CLUH: variants seen among roughly 807,000 people sequenced by gnomAD.
CLUH encodes the protein CLUH binding protein of NUMT mRNA.
Under a neutral mutation model 139.3 loss-of-function variants are expected in CLUH, and 77 were observed. That is an observed-to-expected ratio of 0.55 (90% CI 0.46 to 0.67). The LOEUF (loss-of-function observed/expected upper bound fraction) is 0.67. Ranked by LOEUF, CLUH falls within the 30% of genes least tolerant of loss-of-function variation. The probability of loss-of-function intolerance (pLI) is 0.00; values close to 1 mark genes in which losing one functional copy is unlikely to be tolerated. For synonymous variants in CLUH, 999 were observed against 801.6 expected (o/e 1.25, Z -4.16); for missense variants, 1,876 against 1,875.8 (o/e 1.00, Z 0.00).
intron 1 of CLUH, among the ~76,000 whole-genome samples, chr17:2,710,621 G>A (rs923382552): frequency 6.6e-6 from 1 of 152,158 alleles, no homozygotes; most frequent in Non-Finnish European, 1.5e-5. Flanking sequence ...GGCCTGGGAA[G>A]GGGATTCCAG....
Position 2,694,161 on chromosome 17 carries a change from A to G in CLUH, c.3053T>C (p.Phe1018Ser). 1 of 1,613,438 alleles carries G rather than the reference A, an allele frequency of 6.2e-7. No homozygotes were observed. The highest frequency in any genetic ancestry group is 8.5e-7 in the Non-Finnish European group (1 of 1,179,690). ...KHVNPKASDA[F>S]HFFQSGQAKV... ...GGCCTGCCCGCTCTGGAAGAAATGG[A>G]AGGCATCCGAGGCCTTGGGGTTGAC... Residue 1018 changes from phenylalanine to serine, a missense_variant, in exon 18 of 26, where the codon TTC becomes TCC. Transcript: ENST00000651024.
rs1392576128 is a variant in CLUH at position 2,698,309 on chromosome 17, G to A, written c.1548C>T (p.Arg516=). Residue 516 remains arginine, a synonymous_variant, in exon 10 of 26, where the codon CGC becomes CGT. Coordinates refer to ENST00000651024, the MANE Select transcript of CLUH (RefSeq NM_001366661.1). ...TGGACTGGGCCGTGACCCGGTAGCC[G>A]CGGTAATCCACCACCACCGTGCCCA... ...YTLGTVVVDY[R]GYRVTAQSII... is the part of the protein sequence containing the mutation. 15 of 1,612,596 alleles carry A rather than the reference G, an allele frequency of 9.3e-6. No individual in the cohort carries two copies. Among genetic ancestry groups the A allele is most frequent in the Middle Eastern group, 1.6e-4 (1 of 6,082 alleles).
chr17:2,704,661 C>T lies in CLUH; in HGVS notation c.101-97G>A. 6 of 1,182,226 alleles carry T rather than the reference C, an allele frequency of 5.1e-6. No homozygotes were observed. Among genetic ancestry groups the T allele is most frequent in the Non-Finnish European group, 7.0e-6 (6 of 855,434 alleles). 73.2% of individuals were successfully genotyped at this position (1,182,226 alleles called of 1,614,324 possible). A position where few individuals can be genotyped will look rare whatever the true frequency, so the allele number is the denominator to read the frequency against. On this transcript the variant is annotated intron_variant, in intron 1 of 25. Coordinates refer to ENST00000651024, the MANE Select transcript of CLUH (RefSeq NM_001366661.1). The surrounding 1 kb of genome is among the most constrained non-coding windows in gnomAD (Gnocchi z 5.7). ...CGGGGACACGTGCCTTCTGGAAAGG[C>T]ATCTGCATGCCCTCGAGAGTCCCAG...
Position 2,697,952 on chromosome 17 carries a change from G to A in CLUH, c.1905C>T (p.His635=), listed in dbSNP as rs1166506797. Residue 635 remains histidine (H), a synonymous_variant, in exon 10 of 26, where the codon CAC becomes CAT. Transcript: ENST00000651024. ...ECARAGFPRA[H]RHKLCCLRQE... ...GGCGCAGGCAGCAGAGCTTGTGCCGGTGGGCGCGGGGGAAGCCGGCGCGGG... is the reference window on the plus strand; with the variant it reads ...GGCGCAGGCAGCAGAGCTTGTGCCGATGGGCGCGGGGGAAGCCGGCGCGGG... 1.3e-6 allele frequency: 2 copies of A among 1,561,562 alleles called. No individual in the cohort carries two copies. Among genetic ancestry groups the A allele is most frequent in the African/African-American group, 2.7e-5 (2 of 74,178 alleles).
Position 2,692,042 on chromosome 17 carries a change from G to A in CLUH, c.3616C>T (p.Gln1206Ter). Reference sequence around the variant, plus strand: ...ATGGTGTAACCCTCCTTCTCGTGCTGCAGGGCCGACCGGAACTCAGCTTTG... The same window carrying A: ...ATGGTGTAACCCTCCTTCTCGTGCTACAGGGCCGACCGGAACTCAGCTTTG... ...ESKAEFRSAL[Q>*]HEKEGYTIYK... Residue 1206 changes from glutamine to a stop codon, truncating the protein, a stop_gained, in exon 23 of 26, where the codon CAG becomes TAG. Coordinates refer to ENST00000651024, the MANE Select transcript of CLUH (RefSeq NM_001366661.1). LOFTEE classifies it high-confidence loss of function. 1 of 1,600,278 alleles carries A rather than the reference G, an allele frequency of 6.2e-7. No individual in the cohort carries two copies. Among genetic ancestry groups the A allele is most frequent in the Non-Finnish European group, 8.5e-7 (1 of 1,174,144 alleles).
At chr17:2,691,496 G>A (rs1468177430) in intron 25 of CLUH, 113 bp downstream of exon 25, 35 of 1,055,548 alleles carry the variant, frequency 3.3e-5, no homozygotes, top group Admixed American at 8.0e-5. Flanking sequence ...GGGAGGCGGA[G>A]GCTGCAGTGA....
rs776828046 is a variant in CLUH, at chr17:2,701,488, G to A, written c.777C>T (p.Ser259=). Residue 259 remains serine (S), a synonymous_variant, in exon 6 of 26, where the codon AGC becomes AGT. Coordinates refer to ENST00000651024, the MANE Select transcript of CLUH (RefSeq NM_001366661.1). ...GGTTCCCCGGGGGCGGGTTCCATCC[G>A]CTCATGGTGAGTACTTTCAGGCACT... is the stretch of plus-strand genomic sequence containing the variant. ...PLQCLKVLTM[S]GWNPPPGNRK... 4 of 1,613,838 alleles carry A rather than the reference G, an allele frequency of 2.5e-6. No individual in the cohort carries two copies. Among genetic ancestry groups the A allele is most frequent in the Non-Finnish European group, 3.4e-6 (4 of 1,179,866 alleles).
At chr17:2,697,115 G>A (rs558191164) in intron 10 of CLUH, among the ~76,000 whole-genome samples, 173 bp from the exon 11 acceptor site, 8 of 152,328 alleles carry the variant, frequency 5.3e-5, no homozygotes, top group African/African-American at 1.9e-4. Flanking sequence ...GGAAGAAAAA[G>A]GCGGCCGGGC....
chr17:2,693,845 A>G (rs2069818077), intron 19 of CLUH, 55 bp downstream of exon 19: 4 of 1,550,072 alleles, frequency 2.6e-6, no homozygotes, highest in Non-Finnish European at 3.5e-6. Flanking sequence ...GGGCCCCCTC[A>G]CTCCCCATCC....
intron 1 of CLUH, among the ~76,000 whole-genome samples, chr17:2,709,272 A>G (rs1350310823): frequency 6.6e-6 from 1 of 152,100 alleles, no homozygotes; most frequent in Non-Finnish European, 1.5e-5. Flanking sequence ...GGGTCCGAAA[A>G]GGTGCATCAC....
intron 16 of CLUH, 143 bp from the exon 17 acceptor site, chr17:2,694,707 C>A: frequency 7.4e-7 from 1 of 1,346,906 alleles, no homozygotes; most frequent in Non-Finnish European, 1.0e-6. Flanking sequence ...CTGCCCTCAC[C>A]CTCCAGCACC....
Position 2,696,811 on chromosome 17 carries a change from T to C in CLUH, c.2093A>G (p.Gln698Arg). ...LESKSEDPPG[Q>R]EAGSEEEGSS... ...ACCCTCCTCCTCACTTCCCGCCTCC[T>C]GTCCTGGAGGATCCTCAGACTTGGA... Residue 698 changes from glutamine (Q) to arginine (R), a missense_variant, in exon 11 of 26, where the codon CAG becomes CGG. By Grantham distance (43) the Gln-to-Arg change is conservative. Around this residue, in one of 3 missense-constraint regions of CLUH, gnomAD observed 1,454 missense variants for 1,384.4 expected, o/e 1.05. Coordinates refer to ENST00000651024, the MANE Select transcript of CLUH (RefSeq NM_001366661.1). 6.2e-7 allele frequency: 1 copy of C among 1,613,504 alleles called. No individual in the cohort carries two copies. Among genetic ancestry groups the C allele is most frequent in the Non-Finnish European group, 8.5e-7 (1 of 1,179,876 alleles).
Position 2,695,033 on chromosome 17 carries a change from T to C in CLUH, c.2676A>G (p.Pro892=). Residue 892 remains proline, a synonymous_variant, in exon 16 of 26, where the codon CCA becomes CCG. Transcript: ENST00000651024. ...CGGCGGGCAGGTGGGCCACGGGGTT[T>C]GGGTAGGAGCTCAGGAAGCAGTTCA... ...HFLNCFLSSY[P]NPVAHLPADE... 1 of 1,613,496 alleles carries C rather than the reference T, an allele frequency of 6.2e-7. No individual in the cohort carries two copies. The highest frequency in any genetic ancestry group is 8.5e-7 in the Non-Finnish European group (1 of 1,179,768).
intron 7 of CLUH, 66 bp downstream of exon 7, chr17:2,701,074 G>A (rs2070159860): frequency 8.1e-6 from 13 of 1,609,586 alleles, no homozygotes; most frequent in East Asian, 2.2e-5. Context: ...CTGGAGTGCA[G>A]GTGGGCCGGC....
rs2151692111 is a variant in CLUH, at chr17:2,692,064, T to C, written c.3594A>G (p.Lys1198=). 1 of 1,604,758 alleles carries C rather than the reference T, an allele frequency of 6.2e-7. No homozygotes were observed. Among genetic ancestry groups the C allele is most frequent in the Non-Finnish European group, 8.5e-7 (1 of 1,176,340 alleles). Residue 1198 remains lysine (K), a synonymous_variant, in exon 23 of 26, where the codon AAA becomes AAG. Coordinates refer to ENST00000651024, the MANE Select transcript of CLUH (RefSeq NM_001366661.1). ...HHLVARVYES[K]AEFRSALQHE... is the part of the protein sequence containing the mutation. ...GCTGCAGGGCCGACCGGAACTCAGC[T>C]TTGCTCTCGTAGACTCGGGCGACAA...
At chr17:2,691,929 GTGCCCCCGCGGCCCCGC>G (rs764621966) in intron 23 of CLUH, 34 bp from the exon 24 acceptor site, 46 of 1,104,184 alleles carry the variant, frequency 4.2e-5, no homozygotes, top group South Asian at 3.4e-4. Flanking sequence ...AGGCCCCCCC[GTGCCCCCGCGGCCCCGC>G]CCCCGCCCCG....
At chr17:2,697,402 A>G (rs1013091317) in intron 10 of CLUH, among the ~76,000 whole-genome samples, 14 of 131,120 alleles carry the variant, frequency 1.1e-4, no homozygotes, top group African/African-American at 4.7e-4. Flanking sequence ...TCCGTCTCAG[A>G]AAAAAAAAAA....
Position 2,698,004 on chromosome 17 carries a change from G to A in CLUH, c.1853C>T (p.Pro618Leu). Residue 618 changes from proline to leucine, a missense_variant, in exon 10 of 26, where the codon CCT becomes CTT. This residue lies in a region of CLUH where 1,454 missense variants were observed against 1,384.4 expected (regional missense o/e 1.05). Coordinates refer to ENST00000651024, the MANE Select transcript of CLUH (RefSeq NM_001366661.1). ...GCATTCCTCAGGCAGCTCCTCGCCA[G>A]GCACGGGCAGGAAGTTGAGGTCCGG... ...FPPDLNFLPV[P>L]GEELPEECAR... 6 of 1,600,274 alleles carry A rather than the reference G, an allele frequency of 3.7e-6. No individual in the cohort carries two copies. The highest frequency in any genetic ancestry group is 4.2e-6 in the Non-Finnish European group (5 of 1,177,540).
In CLUH at chr17:2,698,152, G is replaced by A. The variant is rs1475244199; in HGVS notation, c.1705C>T (p.Leu569=). 6 of 1,580,058 alleles carry A rather than the reference G, an allele frequency of 3.8e-6. No individual in the cohort carries two copies. The highest frequency in any genetic ancestry group is 1.8e-5 in the Admixed American group (1 of 54,496). ...LERTSRPLKI[L]RHQVLNDRDE... ...CGGTCGTTGAGCACCTGGTGCCGCA[G>A]GATCTTGAGGGGCCGACTCGTGCGC... Residue 569 remains leucine, a synonymous_variant, in exon 10 of 26, where the codon CTG becomes TTG. Coordinates refer to ENST00000651024, the MANE Select transcript of CLUH (RefSeq NM_001366661.1).
Sources: allele counts gnomAD v4.1 joint callset (sites outside exome capture counted in the v4.1 genomes callset), GRCh38; gene constraint gnomAD v4.1.1; regional missense constraint gnomAD v4.1.1; non-coding constraint Gnocchi (gnomAD v3.1); transcripts MANE v1.5; gene names NCBI Gene and HGNC (gene_info 2026-07-23, HGNC 2026-07-21).